LY6S: variants seen among roughly 807,000 people sequenced by gnomAD.
The protein encoded by LY6S is lymphocyte antigen 6 family member S, also known as lymphocyte antigen 6S.
the LY6S span, among the ~76,000 whole-genome samples, chr8:143,072,813 G>A: frequency 1.0e-4 from 13 of 123,894 alleles, no homozygotes; most frequent in Non-Finnish European, 1.8e-4. Context: ...GGAGACAGCC[G>A]TCGTCCTCGG....
chr8:143,073,056 C>T, the LY6S span, among the ~76,000 whole-genome samples: 3 of 110,502 alleles, frequency 2.7e-5, no homozygotes, highest in African/African-American at 4.0e-5. Context: ...CAGCCGTCGT[C>T]CTCGGGGTCC....
the LY6S span, among the ~76,000 whole-genome samples, chr8:143,055,036 C>T: frequency 1.2e-4 from 18 of 152,154 alleles, no homozygotes; most frequent in South Asian, 1.5e-3. Flanking sequence ...CCAGTTTGGT[C>T]GTAGAACGAA....
At chr8:143,070,490 T>TA in the LY6S span, among the ~76,000 whole-genome samples, 5,332 of 86,436 alleles carry the variant, frequency 0.062, 244 homozygotes, top group Non-Finnish European at 0.072. Flanking sequence ...TATATATATA[T>TA]TTTTTTTTTT....
At chr8:143,045,941 C>T in the LY6S span, among the ~76,000 whole-genome samples, 1 of 152,166 alleles carries the variant, frequency 6.6e-6, no homozygotes, top group East Asian at 1.9e-4. The surrounding 1 kb of genome is among the most constrained non-coding windows in gnomAD (Gnocchi z 5.3). Flanking sequence ...GCAACCTCTG[C>T]TTCCCAGGTT....
chr8:143,044,400 C>T, the LY6S span, among the ~76,000 whole-genome samples: 3 of 152,178 alleles, frequency 2.0e-5, no homozygotes, highest in South Asian at 2.1e-4. Context: ...GCCCTGTGGG[C>T]GCCCCCTGCT....
chr8:143,041,101 T>G, the LY6S span, among the ~76,000 whole-genome samples: 4 of 152,176 alleles, frequency 2.6e-5, no homozygotes, highest in Non-Finnish European at 5.9e-5. Flanking sequence ...ACATTGTCAT[T>G]GATAACATCT....
chr8:143,076,318 C>A, the LY6S span, among the ~76,000 whole-genome samples: 1 of 152,202 alleles, frequency 6.6e-6, no homozygotes, highest in East Asian at 1.9e-4. Context: ...TCTCTCAGCA[C>A]CCCCACACCT....
chr8:143,055,583 T>C, the LY6S span, among the ~76,000 whole-genome samples: 1 of 151,996 alleles, frequency 6.6e-6, no homozygotes, highest in Non-Finnish European at 1.5e-5. Flanking sequence ...AATAAAAATT[T>C]CCCCCCAAAA....
chr8:143,063,642 A>G, the LY6S span, among the ~76,000 whole-genome samples: 1 of 152,240 alleles, frequency 6.6e-6, no homozygotes, highest in African/African-American at 2.4e-5. Flanking sequence ...GGGCAACTGG[A>G]AAACACCTGG....
At chr8:143,048,781 T>C in the LY6S span, among the ~76,000 whole-genome samples, 161 of 152,274 alleles carry the variant, frequency 1.1e-3, no homozygotes, top group Non-Finnish European at 2.0e-3. Flanking sequence ...AAATCTGTTT[T>C]GAGGGACACA....
At chr8:143,057,856 G>A in the LY6S span, 420,758 of 705,836 alleles carry the variant, frequency 0.6, 130,152 homozygotes, top group Non-Finnish European at 0.64. Flanking sequence ...CCTGACTGGG[G>A]GCCTGTGTCG....
the LY6S span, among the ~76,000 whole-genome samples, chr8:143,045,054 T>A: frequency 2.0e-5 from 3 of 152,054 alleles, no homozygotes; most frequent in Non-Finnish European, 4.4e-5. The surrounding 1 kb of genome is among the most constrained non-coding windows in gnomAD (Gnocchi z 5.3). Flanking sequence ...GGCATACACG[T>A]GCCCAGGACT....
chr8:143,066,230 G>A, the LY6S span: 30 of 218,068 alleles, frequency 1.4e-4, no homozygotes, highest in African/African-American at 4.6e-4. Context: ...GTGCAGAGGC[G>A]CAATCTCAGC....
chr8:143,052,580 G>A, the LY6S span, among the ~76,000 whole-genome samples: 1 of 152,160 alleles, frequency 6.6e-6, no homozygotes, highest in African/African-American at 2.4e-5. Context: ...TACCGGTTGG[G>A]TGGAAGCTCT....
At chr8:143,048,148 C>T in the LY6S span, among the ~76,000 whole-genome samples, 3 of 152,166 alleles carry the variant, frequency 2.0e-5, no homozygotes, top group African/African-American at 7.2e-5. Context: ...CGTGGCAGTG[C>T]CAGGCTGCCT....
the LY6S span, among the ~76,000 whole-genome samples, chr8:143,046,696 T>G: frequency 6.6e-6 from 1 of 152,004 alleles, no homozygotes; most frequent in African/African-American, 2.4e-5. Flanking sequence ...ATGGGAGGAA[T>G]TTAGTTCATA....
chr8:143,066,772 G>A, the LY6S span, among the ~76,000 whole-genome samples: 1 of 152,174 alleles, frequency 6.6e-6, no homozygotes, highest in Non-Finnish European at 1.5e-5. Flanking sequence ...TTGAACCTGG[G>A]ACTGCAGGCT....
the LY6S span, among the ~76,000 whole-genome samples, chr8:143,055,840 A>C: frequency 6.6e-6 from 1 of 152,158 alleles, no homozygotes; most frequent in South Asian, 2.1e-4. Flanking sequence ...CCAATTTTTA[A>C]ATGGCTGCTT....
At chr8:143,052,605 GAA>G in the LY6S span, among the ~76,000 whole-genome samples, 7 of 152,176 alleles carry the variant, frequency 4.6e-5, no homozygotes, top group Non-Finnish European at 1.5e-5. Flanking sequence ...CAAGAACAGA[GAA>G]AGCTACAGAA....
Sources: gnomAD v4.1 joint callset for allele counts (sites outside exome capture counted in the v4.1 genomes callset) on GRCh38, gnomAD v4.1.1 for gene constraint, Gnocchi (gnomAD v3.1) non-coding constraint, MANE v1.5 for transcripts, NCBI Gene and HGNC (gene_info 2026-07-23, HGNC 2026-07-21) for gene names.